PPP3R1: variants seen among roughly 807,000 people sequenced by gnomAD.
PPP3R1 encodes the protein calcineurin subunit B type 1.
Under a neutral mutation model 22.6 loss-of-function variants are expected in PPP3R1, and 5 were observed. The ratio of observed to expected loss-of-function variants is 0.22; its 90% CI spans 0.12 to 0.46. The LOEUF is 0.46. PPP3R1 is among the 20% of genes least tolerant of loss of function. PPP3R1 has a pLI of 0.99. For synonymous variants in PPP3R1, 56 were observed against 65.2 expected, an observed-to-expected ratio of 0.86 and a Z score of 0.68; for missense variants, 61 against 203.2, an observed-to-expected ratio of 0.30 and a Z score of 4.25.
At chr2:68,222,441 T>G (rs1055317815) in intron 1 of PPP3R1, among the ~76,000 whole-genome samples, 1 of 152,218 alleles carries the variant, frequency 6.6e-6, no homozygotes, top group African/African-American at 2.4e-5. Flanking sequence ...TGGAAGAGAT[T>G]AGCATCTGAA....
At chr2:68,244,069 G>C (rs1670185221) in intron 1 of PPP3R1, among the ~76,000 whole-genome samples, 1 of 151,946 alleles carries the variant, frequency 6.6e-6, no homozygotes, top group Admixed American at 6.6e-5. Flanking sequence ...AGTGTCTTTA[G>C]AACTTTAGGG....
rs990233276 is a variant in PPP3R1, at chr2:68,179,763, G to C, written c.*1200C>G. Reference sequence around the variant, plus strand: ...TCAAGAAAAAAAAACCAGTATGCATGCTCTATCCCTCGTGGTAAAGAAATT... The same window carrying C: ...TCAAGAAAAAAAAACCAGTATGCATCCTCTATCCCTCGTGGTAAAGAAATT... On this transcript the variant is annotated 3_prime_UTR_variant, in exon 6 of 6. Transcript: ENST00000234310. 1 of 152,136 alleles carries C rather than the reference G, an allele frequency of 6.6e-6. No individual in the cohort carries two copies. The highest frequency in any genetic ancestry group is 2.4e-5 in the African/African-American group (1 of 41,446). 9.4% of individuals were successfully genotyped at this position (152,136 alleles called of 1,614,324 possible).
chr2:68,203,859 A>G (rs1299692902), intron 2 of PPP3R1, among the ~76,000 whole-genome samples: 1 of 152,218 alleles, frequency 6.6e-6, no homozygotes, highest in African/African-American at 2.4e-5. Context: ...TTCTACTGGC[A>G]GTTCATTATG....
chr2:68,233,377 T>C lies in PPP3R1; in HGVS notation c.4-16246A>G, dbSNP rs114708058. 7.2e-3 allele frequency among the ~76,000 whole-genome samples: 1,102 copies of C among 152,330 alleles called. 5 individuals carry two copies. Among genetic ancestry groups the C allele is most frequent in the Non-Finnish European group, 0.01 (696 of 68,024 alleles). ...CCTTTTATTTCTTTGGGAAAATATA[T>C]TGACTCCAGAACAACTGGAGTTTTA... On this transcript the variant is annotated intron_variant, in intron 1 of 5. Transcript: ENST00000234310.
intron 1 of PPP3R1, among the ~76,000 whole-genome samples, chr2:68,245,487 A>C (rs147991789): frequency 1.8e-3 from 281 of 152,278 alleles, no homozygotes; most frequent in Admixed American, 2.7e-3. Flanking sequence ...TTCTTCTAAC[A>C]CTACTTTTCA....
chr2:68,206,708 T>A (rs1675133875), intron 2 of PPP3R1, among the ~76,000 whole-genome samples: 1 of 152,236 alleles, frequency 6.6e-6, no homozygotes, highest in South Asian at 2.1e-4. Flanking sequence ...CGTAATAGTT[T>A]ACCCATACTG....
intron 2 of PPP3R1, among the ~76,000 whole-genome samples, chr2:68,209,272 T>C (rs1433007663): frequency 1.5e-5 from 2 of 131,726 alleles, no homozygotes; most frequent in Non-Finnish European, 3.1e-5. Context: ...GGCAGGAGAA[T>C]GGCGTGAACC....
intron 1 of PPP3R1, among the ~76,000 whole-genome samples, chr2:68,239,486 T>C (rs1443649): frequency 0.21 from 32,542 of 152,052 alleles, 3,724 homozygotes; most frequent in Non-Finnish European, 0.25. Flanking sequence ...CAGAGAATAA[T>C]GAAGCATCAA....
chr2:68,209,384 A>AC, intron 2 of PPP3R1, among the ~76,000 whole-genome samples: 1 of 144,900 alleles, frequency 6.9e-6, no homozygotes, highest in East Asian at 2.0e-4. Flanking sequence ...AAAAAAAAAA[A>AC]AAAAAAACTG....
intron 2 of PPP3R1, among the ~76,000 whole-genome samples, chr2:68,216,133 G>A (rs6754495): frequency 0.034 from 5,176 of 152,006 alleles, 259 homozygotes; most frequent in African/African-American, 0.11. Context: ...TCCCATTAAC[G>A]GGTACCATCA....
intron 2 of PPP3R1, among the ~76,000 whole-genome samples, chr2:68,215,783 A>C (rs554340038): frequency 3.3e-5 from 5 of 152,166 alleles, no homozygotes; most frequent in Non-Finnish European, 7.4e-5. Flanking sequence ...CAGAGGATAT[A>C]AAGAAATTAG....
At chr2:68,242,010 G>T (rs1313651906) in intron 1 of PPP3R1, among the ~76,000 whole-genome samples, 1 of 152,114 alleles carries the variant, frequency 6.6e-6, no homozygotes, top group Non-Finnish European at 1.5e-5. Flanking sequence ...TTGTGTACTC[G>T]TAGATATTGT....
intron 2 of PPP3R1, among the ~76,000 whole-genome samples, chr2:68,216,049 T>C (rs1397267409): frequency 6.6e-6 from 1 of 152,168 alleles, no homozygotes; most frequent in African/African-American, 2.4e-5. Flanking sequence ...ATTTATATTG[T>C]AATGGAAAAC....
chr2:68,195,733 T>C (rs553800863), intron 2 of PPP3R1, among the ~76,000 whole-genome samples: 1 of 152,304 alleles, frequency 6.6e-6, no homozygotes, highest in East Asian at 1.9e-4. Flanking sequence ...CCACCATTTA[T>C]TTATTAAAAT....
At chr2:68,232,423 AGAGT>A (rs1558641633) in intron 1 of PPP3R1, among the ~76,000 whole-genome samples, 1 of 149,430 alleles carries the variant, frequency 6.7e-6, no homozygotes, top group Admixed American at 6.7e-5. Context: ...CCTGCGCAAC[AGAGT>A]GAGACTCTTG....
chr2:68,232,265 G>A (rs748656210), intron 1 of PPP3R1, among the ~76,000 whole-genome samples: 829 of 25,296 alleles, frequency 0.033, 2 homozygotes, highest in South Asian at 0.047. Flanking sequence ...GTGTGTGTGT[G>A]TATATATATA....
chr2:68,250,056 C>T (rs1670313689), intron 1 of PPP3R1, among the ~76,000 whole-genome samples: 2 of 151,824 alleles, frequency 1.3e-5, no homozygotes, highest in African/African-American at 4.8e-5. Flanking sequence ...TACTTTCAAA[C>T]CAGTACTGTA....
At chr2:68,227,070 T>C (rs1196131847) in intron 1 of PPP3R1, among the ~76,000 whole-genome samples, 2 of 152,106 alleles carry the variant, frequency 1.3e-5, no homozygotes, top group Non-Finnish European at 2.9e-5. Context: ...TCTGACTGCA[T>C]ATTCTCTGAA....
intron 1 of PPP3R1, among the ~76,000 whole-genome samples, chr2:68,244,850 T>C (rs1378607789): frequency 3.3e-5 from 5 of 152,120 alleles, no homozygotes; most frequent in Admixed American, 3.3e-4. Flanking sequence ...CAAATAGTAC[T>C]TAACATCTAC....
Sources: gnomAD v4.1 joint callset for allele counts (sites outside exome capture counted in the v4.1 genomes callset) on GRCh38, gnomAD v4.1.1 for gene constraint, MANE v1.5 for transcripts, NCBI Gene and HGNC (gene_info 2026-07-23, HGNC 2026-07-21) for gene names.